DACH1: variants seen among roughly 807,000 people sequenced by gnomAD.
The protein encoded by DACH1 is dachshund homolog 1.
A neutral mutation model predicts 54.2 loss-of-function variants in DACH1; 12 were observed. The ratio of observed to expected loss-of-function variants is 0.22; its 90% confidence interval spans 0.14 to 0.36. DACH1 has a LOEUF of 0.36. Ranked by LOEUF, DACH1 falls within the 10% of genes least tolerant of loss-of-function variation. DACH1 has a pLI of 1.00. For synonymous variants in DACH1, 386 were observed against 366.2 expected (o/e 1.05, Z -0.62); for missense variants, 805 against 929.8 (o/e 0.87, Z 1.75).
intron 6 of DACH1, among the ~76,000 whole-genome samples, chr13:71,492,935 G>C (rs1185526115): frequency 1.3e-5 from 2 of 151,772 alleles, no homozygotes; most frequent in Non-Finnish European, 2.9e-5. Flanking sequence ...TTAATCAAGA[G>C]TCCACATTCC....
chr13:71,790,617 TGAGAGC>T (rs1886794595), intron 1 of DACH1, among the ~76,000 whole-genome samples: 1 of 152,190 alleles, frequency 6.6e-6, no homozygotes, highest in Non-Finnish European at 1.5e-5. Context: ...AGTAGTATAA[TGAGAGC>T]TACCAAAAAG....
chr13:71,829,283 G>T (rs894493924), intron 1 of DACH1, among the ~76,000 whole-genome samples: 1 of 151,680 alleles, frequency 6.6e-6, no homozygotes, highest in Non-Finnish European at 1.5e-5. Context: ...CAAAACATAT[G>T]GTAGTTTCTA....
At chr13:71,523,617 T>A (rs960909592) in intron 6 of DACH1, among the ~76,000 whole-genome samples, 1 of 152,056 alleles carries the variant, frequency 6.6e-6, no homozygotes, top group Non-Finnish European at 1.5e-5. Flanking sequence ...CTCTTCCAAG[T>A]GATTTTTCTC....
At chr13:71,640,140 A>G (rs1877788315) in intron 2 of DACH1, among the ~76,000 whole-genome samples, 1 of 152,066 alleles carries the variant, frequency 6.6e-6, no homozygotes, top group East Asian at 1.9e-4. Flanking sequence ...TTCTATGAGT[A>G]AATATAAAAA....
intron 1 of DACH1, among the ~76,000 whole-genome samples, chr13:71,780,133 A>T (rs1886311371): frequency 6.6e-6 from 1 of 152,216 alleles, no homozygotes. Context: ...AGAGATTTAA[A>T]AAGAACTGTG....
At chr13:71,796,180 T>C (rs1000341146) in intron 1 of DACH1, among the ~76,000 whole-genome samples, 5 of 152,300 alleles carry the variant, frequency 3.3e-5, no homozygotes, top group Admixed American at 3.3e-4. Flanking sequence ...TTAGGTATTA[T>C]TATTTTCTTC....
chr13:71,519,883 G>GTTTATATATATATATATATATATATA (rs552808622), intron 6 of DACH1, among the ~76,000 whole-genome samples: 1 of 29,330 alleles, frequency 3.4e-5, no homozygotes, highest in Non-Finnish European at 9.8e-5. Context: ...AACCAAAGTA[G>GTTTATATATATATATATATATATATA]TATATATATA....
intron 6 of DACH1, among the ~76,000 whole-genome samples, chr13:71,499,386 G>A (rs1879725297): frequency 6.6e-6 from 1 of 152,112 alleles, no homozygotes; most frequent in African/African-American, 2.4e-5. Context: ...CTAGGTTGAT[G>A]TTTTGCATAT....
intron 3 of DACH1, among the ~76,000 whole-genome samples, chr13:71,624,926 G>A (rs940629286): frequency 1.3e-5 from 2 of 151,742 alleles, no homozygotes; most frequent in Admixed American, 6.6e-5. Context: ...CTTGAGTCTC[G>A]GCCCCTTTTA....
intron 1 of DACH1, among the ~76,000 whole-genome samples, chr13:71,716,430 C>T (rs1252857131): frequency 8.5e-5 from 13 of 152,100 alleles, no homozygotes; most frequent in Non-Finnish European, 1.3e-4. Context: ...TTTCTCATAA[C>T]TTTCCTACCC....
At chr13:71,840,915 C>A (rs1049785110) in intron 1 of DACH1, among the ~76,000 whole-genome samples, 13 of 152,126 alleles carry the variant, frequency 8.5e-5, no homozygotes, top group African/African-American at 3.1e-4. Context: ...AGAACATGTA[C>A]AAAGTTGAGA....
chr13:71,635,965 G>A (rs1024146195), intron 2 of DACH1, among the ~76,000 whole-genome samples: 3 of 152,016 alleles, frequency 2.0e-5, no homozygotes, highest in Admixed American at 1.3e-4. Context: ...GGTATTTTTA[G>A]TAGAGATGGG....
At chr13:71,720,507 C>CT (rs1321796408) in intron 1 of DACH1, among the ~76,000 whole-genome samples, 3 of 152,056 alleles carry the variant, frequency 2.0e-5, no homozygotes, top group Non-Finnish European at 4.4e-5. Context: ...ATGTGTTTGA[C>CT]TAACTAAATT....
intron 6 of DACH1, among the ~76,000 whole-genome samples, chr13:71,514,098 C>G (rs1290841558): frequency 6.6e-6 from 1 of 151,962 alleles, no homozygotes; most frequent in Non-Finnish European, 1.5e-5. Flanking sequence ...AATAAAAAGT[C>G]CATTTGAATA....
intron 6 of DACH1, among the ~76,000 whole-genome samples, chr13:71,525,176 C>T (rs139124578): frequency 1.3e-5 from 2 of 152,192 alleles, no homozygotes; most frequent in Admixed American, 1.3e-4. Flanking sequence ...CGCAGATGGG[C>T]TGAGAAAAAC....
chr13:71,703,314 A>G (rs1289562943), intron 1 of DACH1, among the ~76,000 whole-genome samples: 1 of 152,144 alleles, frequency 6.6e-6, no homozygotes, highest in African/African-American at 2.4e-5. Flanking sequence ...GGCCAATGAC[A>G]TGTGAGCAGA....
intron 6 of DACH1, among the ~76,000 whole-genome samples, chr13:71,509,883 T>C (rs1028514685): frequency 6.6e-5 from 10 of 152,160 alleles, no homozygotes; most frequent in Non-Finnish European, 1.5e-4. Context: ...AAGAGTTAAC[T>C]ATACTCTGTT....
chr13:71,457,903 C>T (rs1875724364), intron 10 of DACH1, among the ~76,000 whole-genome samples: 1 of 151,854 alleles, frequency 6.6e-6, no homozygotes, highest in Admixed American at 6.6e-5. Flanking sequence ...GACACATTGT[C>T]ACATCACACC....
chr13:71,740,430 G>T (rs1384393623), intron 1 of DACH1, among the ~76,000 whole-genome samples: 1 of 151,990 alleles, frequency 6.6e-6, no homozygotes, highest in Non-Finnish European at 1.5e-5. Flanking sequence ...ATGAAGCACA[G>T]GGAATTAAAA....
Sources: allele counts gnomAD v4.1 joint callset (sites outside exome capture counted in the v4.1 genomes callset), GRCh38; gene constraint gnomAD v4.1.1; transcripts MANE v1.5; gene names NCBI Gene and HGNC (gene_info 2026-07-23, HGNC 2026-07-21).